NFASC: variants seen among roughly 807,000 people sequenced by gnomAD.
NFASC encodes neurofascin.
In NFASC, 43 loss-of-function variants were observed where a neutral mutation model predicts 147.5. That is an observed-to-expected ratio of 0.29 (90% CI 0.23 to 0.38). The LOEUF is 0.38. NFASC is among the 10% of genes least tolerant of loss of function. The probability of loss-of-function intolerance (pLI) is 1.00; values close to 1 mark genes in which losing one functional copy is unlikely to be tolerated. For missense variants in NFASC, 1,320 were observed against 1,689.0 expected, an observed-to-expected ratio of 0.78 and a Z score of 3.83; for synonymous variants, 622 against 665.5, an observed-to-expected ratio of 0.93 and a Z score of 1.01.
At chr1:204,972,194 C>T (rs889098841) in intron 11 of NFASC, among the ~76,000 whole-genome samples, 3 of 152,160 alleles carry the variant, frequency 2.0e-5, no homozygotes, top group African/African-American at 7.2e-5. Flanking sequence ...CAGGGCGACT[C>T]CTGCATCCTC....
intron 1 of NFASC, among the ~76,000 whole-genome samples, chr1:204,906,974 C>G (rs1386510486): frequency 5.3e-5 from 8 of 152,184 alleles, no homozygotes; most frequent in African/African-American, 1.9e-4. Flanking sequence ...CTCTGGAGTA[C>G]ATACCAGAAG....
At chr1:204,961,852 TA>T (rs1213697569) in intron 8 of NFASC, among the ~76,000 whole-genome samples, 5 of 152,352 alleles carry the variant, frequency 3.3e-5, no homozygotes, top group South Asian at 2.1e-4. Context: ...TCTTTAATTT[TA>T]AAAAAACCAT....
chr1:204,890,733 C>A (rs749052680), intron 1 of NFASC, among the ~76,000 whole-genome samples: 26 of 152,264 alleles, frequency 1.7e-4, no homozygotes, highest in Admixed American at 7.2e-4. Flanking sequence ...CCACACCTGG[C>A]TAATTTTTGT....
At position 205,016,709 on chromosome 1, in the gene NFASC, C is replaced by T; in HGVS notation, c.*170C>T. ...GTAGCCACCAAGCCACCCACAAGCC[C>T]CCTCCCAATGACCCCCCTTCAGCCC... On this transcript the variant is annotated 3_prime_UTR_variant, in exon 30 of 30. Coordinates refer to ENST00000339876, the MANE Select transcript of NFASC (RefSeq NM_001005388.3). The surrounding 1 kb of genome is among the most constrained non-coding windows in gnomAD (Gnocchi z 5.1). The T allele has an allele frequency of 5.8e-6, 4 of 686,004 alleles. No homozygotes were observed. The highest frequency in any genetic ancestry group is 1.1e-5 in the Non-Finnish European group (4 of 375,760). The allele number at this position is 686,004 out of a possible 1,614,324, so 42.5% of individuals were successfully genotyped here.
At chr1:204,949,167 A>C (rs2093962505) in intron 3 of NFASC, among the ~76,000 whole-genome samples, 1 of 152,130 alleles carries the variant, frequency 6.6e-6, no homozygotes, top group South Asian at 2.1e-4. Context: ...TCTTTTCATG[A>C]GTCTTAGTCT....
rs2802848 is a variant in NFASC, at chr1:205,021,732, G to C, written c.*5193G>C. On this transcript the variant is annotated 3_prime_UTR_variant, in exon 30 of 30. Coordinates refer to ENST00000339876, the MANE Select transcript of NFASC (RefSeq NM_001005388.3). ...TCACCCTCTCATACCTCTTTACTGC[G>C]TCTCCCACATCCCCCACATGCCTCC... 0.96 allele frequency: 147,919 copies of C among 153,466 alleles called. 71,300 individuals carry two copies. Among genetic ancestry groups the C allele is most frequent in the East Asian group, 1 (5,177 of 5,178 alleles). The allele number at this position is 153,466 out of a possible 1,614,324, so 9.5% of individuals were successfully genotyped here. A position where few individuals can be genotyped will look rare whatever the true frequency, so the allele number is the denominator to read the frequency against.
intron 21 of NFASC, chr1:204,984,345 G>GTGTGTGTGTGTA (rs386369404): frequency 8.8e-6 from 2 of 226,300 alleles, no homozygotes; most frequent in African/African-American, 7.4e-5. Flanking sequence ...GTGTGTGTGT[G>GTGTGTGTGTGTA]TATATATATA....
chr1:204,919,244 C>T (rs2089965154), intron 1 of NFASC, among the ~76,000 whole-genome samples: 2 of 152,142 alleles, frequency 1.3e-5, no homozygotes, highest in Non-Finnish European at 2.9e-5. Flanking sequence ...AGGGTAGTCT[C>T]AAACTCCTGA....
At chr1:204,890,817 G>A (rs1413462824) in intron 1 of NFASC, among the ~76,000 whole-genome samples, 4 of 152,096 alleles carry the variant, frequency 2.6e-5, no homozygotes, top group Non-Finnish European at 4.4e-5. Context: ...TGATCCACCC[G>A]CCTCAGCTGC....
chr1:204,979,029 G>C lies in NFASC; in HGVS notation c.1938G>C (p.Leu646=). ...ACCTGGCCGAGAGGAGCGTGCGGCT[G>C]ACCTGGATCCCCGGGGATGCTAACA... ...LTDLAERSVR[L]TWIPGDANNS... The change falls in exon 18 of 30, where the codon CTG becomes CTC. Residue 646 remains leucine, a synonymous_variant. Coordinates refer to ENST00000339876, the MANE Select transcript of NFASC (RefSeq NM_001005388.3). This position sits in a 1 kb window ranked among gnomAD's most constrained non-coding sequence, Gnocchi z 6.0. 1 of 1,565,402 alleles carries C rather than the reference G, an allele frequency of 6.4e-7. No individual in the cohort carries two copies. Among genetic ancestry groups the C allele is most frequent in the Non-Finnish European group, 8.7e-7 (1 of 1,154,010 alleles).
chr1:204,891,660 T>C (rs1238156710), intron 1 of NFASC, among the ~76,000 whole-genome samples: 1 of 152,154 alleles, frequency 6.6e-6, no homozygotes, highest in African/African-American at 2.4e-5. Context: ...CACACCTCTA[T>C]AGCACTGTGG....
chr1:204,890,413 T>C (rs906261838), intron 1 of NFASC, among the ~76,000 whole-genome samples: 4 of 152,154 alleles, frequency 2.6e-5, no homozygotes, highest in African/African-American at 9.7e-5. Flanking sequence ...CATCCTTTTA[T>C]AAGTAAATAA....
chr1:204,891,624 A>T (rs2082407472), intron 1 of NFASC, among the ~76,000 whole-genome samples: 1 of 152,182 alleles, frequency 6.6e-6, no homozygotes, highest in South Asian at 2.1e-4. Context: ...CATGTGCCTG[A>T]GAGCATCTGA....
chr1:204,943,141 C>G (rs2093475861), intron 2 of NFASC, among the ~76,000 whole-genome samples: 1 of 152,206 alleles, frequency 6.6e-6, no homozygotes, highest in African/African-American at 2.4e-5. Flanking sequence ...TCTAGGAAAA[C>G]TGGAGGAATT....
At chr1:204,907,315 G>A (rs2149279278) in intron 1 of NFASC, among the ~76,000 whole-genome samples, 2 of 150,068 alleles carry the variant, frequency 1.3e-5, no homozygotes, top group South Asian at 4.3e-4. Flanking sequence ...TAGGTTGTTT[G>A]TTTTCTTACT....
intron 8 of NFASC, among the ~76,000 whole-genome samples, chr1:204,961,007 GCC>G (rs2094636447): frequency 6.6e-6 from 1 of 152,216 alleles, no homozygotes; most frequent in Non-Finnish European, 1.5e-5. Flanking sequence ...TTTTGGCAGA[GCC>G]CCTGTTGTCC....
rs963178291 is a variant in NFASC, at chr1:205,016,838, T to C, written c.*299T>C. ...AGCCACCCCGAGCGTTCCACCACAC[T>C]GTCCGCCCTTGGCCTCGGCACACGC... On this transcript the variant is annotated 3_prime_UTR_variant, in exon 30 of 30. Coordinates refer to ENST00000339876, the MANE Select transcript of NFASC (RefSeq NM_001005388.3). The surrounding 1 kb of genome is among the most constrained non-coding windows in gnomAD (Gnocchi z 5.1). 2.1e-6 allele frequency: 1 copy of C among 473,760 alleles called. No homozygotes were observed. The highest frequency in any genetic ancestry group is 2.0e-5 in the African/African-American group (1 of 50,872). 29.3% of individuals were successfully genotyped at this position (473,760 alleles called of 1,614,324 possible).
intron 1 of NFASC, among the ~76,000 whole-genome samples, chr1:204,847,654 G>A (rs1405620514): frequency 5.3e-5 from 8 of 152,288 alleles, no homozygotes; most frequent in South Asian, 2.1e-4. Flanking sequence ...TGCAGAGGAC[G>A]TGACTCTCTC....
chr1:204,969,063 G>A lies in NFASC; in HGVS notation c.1003+81G>A. ...CACCCTTCCCTCTGAGGGTGGTTGGGGGCAGAGTGAGTCGGAGAGACTTCC... is the reference window on the plus strand; with the variant it reads ...CACCCTTCCCTCTGAGGGTGGTTGGAGGCAGAGTGAGTCGGAGAGACTTCC... On this transcript the variant is annotated intron_variant, in intron 10 of 29. Transcript: ENST00000339876. 4 of 1,333,718 alleles carry A rather than the reference G, an allele frequency of 3.0e-6. No individual in the cohort carries two copies. The South Asian group carries it at 5.5e-5, about 18-fold the overall frequency. 82.6% of individuals were successfully genotyped at this position (1,333,718 alleles called of 1,614,324 possible).
Sources: allele counts gnomAD v4.1 joint callset (sites outside exome capture counted in the v4.1 genomes callset), GRCh38; gene constraint gnomAD v4.1.1; non-coding constraint Gnocchi (gnomAD v3.1); transcripts MANE v1.5; gene names NCBI Gene and HGNC (gene_info 2026-07-23, HGNC 2026-07-21).